The following DGKQ variants were observed in gnomAD, a reference collection of about 807,000 sequenced individuals.
The protein encoded by DGKQ is diacylglycerol kinase theta, also known as DAG kinase theta.
DGKQ carries 97 observed loss-of-function variants against 104.2 expected under a neutral mutation model. The observed-to-expected ratio is 0.93, with a 90% CI of 0.79 to 1.10. The LOEUF (loss-of-function observed/expected upper bound fraction) is 1.10. Ranked by LOEUF, DGKQ falls within the 50% of genes least tolerant of loss-of-function variation. The pLI, the probability that DGKQ is intolerant of heterozygous loss-of-function variation, is 0.00. For synonymous variants in DGKQ, 736 were observed against 595.2 expected, an observed-to-expected ratio of 1.24 and a Z score of -3.44; for missense variants, 1,465 against 1,352.1, an observed-to-expected ratio of 1.08 and a Z score of -1.31.
intron 2 of DGKQ, 67 bp from the exon 3 acceptor site, chr4:968,977 T>G (rs1712708980): frequency 1.9e-6 from 2 of 1,045,580 alleles, no homozygotes; most frequent in East Asian, 2.6e-5. Context: ...CCCTCCTCGC[T>G]CTTCACCTGC....
Position 959,095 on chromosome 4 carries a change from G to C in DGKQ, c.*1525C>G, listed in dbSNP as rs1711666236. On this transcript the variant is annotated 3_prime_UTR_variant, in exon 23 of 23. Transcript: ENST00000273814. The stretch of plus-strand genomic sequence containing the variant: ...CTCGCGAAGCAAAACTAATCACAAA[G>C]GACTGGTCTTGAAGATGACAATGAC... The C allele has an allele frequency of 6.5e-6, 1 of 152,858 alleles. No individual in the cohort carries two copies. The highest frequency in any genetic ancestry group is 2.1e-4 in the South Asian group (1 of 4,850). 9.5% of individuals were successfully genotyped at this position (152,858 alleles called of 1,614,324 possible). A position where few individuals can be genotyped will look rare whatever the true frequency, so the allele number is the denominator to read the frequency against.
chr4:967,505 C>T (rs542015545), intron 8 of DGKQ, 44 bp downstream of exon 8: 15 of 1,582,778 alleles, frequency 9.5e-6, no homozygotes, highest in South Asian at 6.7e-5. Context: ...CGGGGACATG[C>T]GGTCCTGGGA....
intron 22 of DGKQ, 98 bp from the exon 23 acceptor site, chr4:960,819 C>T (rs1711831710): frequency 6.6e-7 from 1 of 1,524,982 alleles, no homozygotes. Context: ...CAGCTGATGC[C>T]ATCTCAGCCC....
In DGKQ at chr4:971,026, G is replaced by C. The variant is rs1311644048; in HGVS notation, c.318C>G (p.Ile106Met). ...GGCTGGGTGCCACACTCGTGCACGGGATCCTCACGTGCTTCAGGCACTTCT... is the reference window on the plus strand; with the variant it reads ...GGCTGGGTGCCACACTCGTGCACGGCATCCTCACGTGCTTCAGGCACTTCT... ...SHEKCLKHVRIPCTSVAPSLV... is the reference protein window; with the variant it reads ...SHEKCLKHVRMPCTSVAPSLV... The change falls in exon 2 of 23, where the codon ATC becomes ATG. Residue 106 changes from isoleucine to methionine, a missense_variant. Ile to Met is a conservative substitution (Grantham distance 10). Transcript: ENST00000273814. This position sits in a 1 kb window ranked among gnomAD's most constrained non-coding sequence, Gnocchi z 4.0. 1.9e-6 allele frequency: 3 copies of C among 1,555,836 alleles called. No homozygotes were observed. Among genetic ancestry groups the C allele is most frequent in the East Asian group, 4.8e-5 (2 of 41,824 alleles).
At position 971,182 on chromosome 4, in the gene DGKQ, AG is replaced by A; in HGVS notation, c.272-111del. On this transcript the variant is annotated intron_variant, in intron 1 of 22. Coordinates refer to ENST00000273814, the MANE Select transcript of DGKQ (RefSeq NM_001347.4). The surrounding 1 kb of genome is among the most constrained non-coding windows in gnomAD (Gnocchi z 4.0). ...ACTGCCATACCCACCATGCTGCACC[AG>A]GGGCCCTGTGGTCCTCGAGTTCCCC... 2 of 776,696 alleles carry A rather than the reference AG, an allele frequency of 2.6e-6. No homozygotes were observed. The highest frequency in any genetic ancestry group is 2.1e-6 in the Non-Finnish European group (1 of 468,396). 48.1% of individuals were successfully genotyped at this position (776,696 alleles called of 1,614,324 possible).
chr4:969,147 G>A (rs560746607), intron 2 of DGKQ, among the ~76,000 whole-genome samples: 2 of 152,152 alleles, frequency 1.3e-5, no homozygotes, highest in South Asian at 2.1e-4. Flanking sequence ...CCTGCCTAGC[G>A]CAGGGGAGCG....
chr4:967,076 T>G (rs1712425969), intron 9 of DGKQ, 22 bp from the exon 10 acceptor site: 3 of 1,545,668 alleles, frequency 1.9e-6, no homozygotes, highest in Non-Finnish European at 2.6e-6. Context: ...CAGTCTGAGC[T>G]GGAGCTCCCC....
intron 18 of DGKQ, 44 bp from the exon 19 acceptor site, chr4:962,126 C>T (rs749416760): frequency 3.2e-6 from 5 of 1,543,076 alleles, no homozygotes; most frequent in Non-Finnish European, 4.4e-6. Flanking sequence ...CCGCCCTCAC[C>T]AGGCCCCCTG....
intron 1 of DGKQ, among the ~76,000 whole-genome samples, chr4:972,726 C>T (rs1713033048): frequency 6.6e-6 from 1 of 152,242 alleles, no homozygotes; most frequent in Non-Finnish European, 1.5e-5. Context: ...CAGGGAAGGG[C>T]TGTCCTCACC....
chr4:961,341 C>A, intron 21 of DGKQ, 126 bp downstream of exon 21: 1 of 1,254,590 alleles, frequency 8.0e-7, no homozygotes, highest in Non-Finnish European at 1.1e-6. Context: ...AGAGGCCAGC[C>A]GGGCTCAGCG....
intron 17 of DGKQ, 39 bp from the exon 18 acceptor site, chr4:962,652 A>C (rs767260793): frequency 1.3e-6 from 2 of 1,594,524 alleles, no homozygotes; most frequent in South Asian, 1.1e-5. Flanking sequence ...GTCCACACCC[A>C]CCCGCCCATC....
In DGKQ at chr4:966,516, T is replaced by A; in HGVS notation, c.1378A>T (p.Met460Leu). The A allele has an allele frequency of 6.2e-7, 1 of 1,612,418 alleles. No homozygotes were observed. Among genetic ancestry groups the A allele is most frequent in the Non-Finnish European group, 8.5e-7 (1 of 1,179,654 alleles). The change falls in exon 12 of 23, where the codon ATG (methionine) becomes TTG (leucine). Residue 460 changes from methionine (M) to leucine (L), a missense_variant. Physicochemically the swap from Met to Leu is conservative, Grantham distance 15. Coordinates refer to ENST00000273814, the MANE Select transcript of DGKQ (RefSeq NM_001347.4). ...AMGCRHVQRTMLMDEQPLLDR... is the reference protein window; with the variant it reads ...AMGCRHVQRTLLMDEQPLLDR... ...AGCAGGGGCTGTTCGTCCATCAGCA[T>A]CGTCCGCTGGACTGCAGAGGTGAGG...
intron 13 of DGKQ, 52 bp downstream of exon 13, chr4:965,876 C>T (rs953772966): frequency 1.3e-5 from 19 of 1,509,984 alleles, no homozygotes; most frequent in East Asian, 4.8e-5. Flanking sequence ...CACTGCCTGC[C>T]GCTCGACCCT....
Position 962,807 on chromosome 4 carries a change from G to C in DGKQ, c.2000C>G (p.Pro667Arg), listed in dbSNP as rs759728719. Residue 667 changes from proline to arginine, a missense_variant, in exon 17 of 23, where the codon CCG becomes CGG. By Grantham distance (103) the Pro-to-Arg change is moderately radical. Transcript: ENST00000273814. ...LEETRYRLAC[P>R]EPSVAILPLG... ...GGGCAGGATGGCCACAGAAGGCTCCGGGCAGGCCAGTCGGTACCGTGTCTC... is the reference window on the plus strand; with the variant it reads ...GGGCAGGATGGCCACAGAAGGCTCCCGGCAGGCCAGTCGGTACCGTGTCTC... 5 of 1,605,870 alleles carry C rather than the reference G, an allele frequency of 3.1e-6. No homozygotes were observed. Among genetic ancestry groups the C allele is most frequent in the Non-Finnish European group, 4.2e-6 (5 of 1,177,174 alleles).
At chr4:969,903 G>T (rs931320589) in intron 2 of DGKQ, among the ~76,000 whole-genome samples, 16 of 152,212 alleles carry the variant, frequency 1.1e-4, no homozygotes, top group African/African-American at 3.6e-4. Flanking sequence ...GAGCCACAGC[G>T]CCCGGCCGTT....
rs1577485027 is a variant in DGKQ, at chr4:968,279, CA to C, written c.663+2del. 7.5e-7 allele frequency: 1 copy of C among 1,340,410 alleles called. No individual in the cohort carries two copies. The highest frequency in any genetic ancestry group is 2.7e-5 in the Admixed American group (1 of 36,750). 83.0% of individuals were successfully genotyped at this position (1,340,410 alleles called of 1,614,324 possible). A position where few individuals can be genotyped will look rare whatever the true frequency, so the allele number is the denominator to read the frequency against. On this transcript the variant is annotated splice_donor_variant, in intron 5 of 22. Coordinates refer to ENST00000273814, the MANE Select transcript of DGKQ (RefSeq NM_001347.4). LOFTEE classifies it high-confidence loss of function. ...CCCACCCCCTCGACTTCCCAGCGCCCACCTGGACCCCGCACCACTCGCAGCG... is the reference window on the plus strand; with the variant it reads ...CCCACCCCCTCGACTTCCCAGCGCCCCCTGGACCCCGCACCACTCGCAGCG...
rs569453893 is a variant in DGKQ, at chr4:961,634, G to A, written c.2462+54C>T. 56 of 1,610,698 alleles carry A rather than the reference G, an allele frequency of 3.5e-5. No homozygotes were observed. In the African/African-American group the frequency reaches 6.1e-4, roughly 18 times the overall value. ...TAGGTGCAGGCAGGACGAGGGCTGA[G>A]CCTGCCCATGGCCCCGCCGGGCAGA... On this transcript the variant is annotated intron_variant, in intron 20 of 22. Transcript: ENST00000273814.
intron 4 of DGKQ, 35 bp from the exon 5 acceptor site, chr4:968,442 C>T: frequency 6.3e-7 from 1 of 1,591,546 alleles, no homozygotes; most frequent in Non-Finnish European, 8.5e-7. Flanking sequence ...CTGGGCCCGC[C>T]CCACCCCCCA....
Position 968,008 on chromosome 4 carries a change from G to A in DGKQ, c.683C>T (p.Ala228Val), listed in dbSNP as rs534332507. 1.6e-4 allele frequency: 231 copies of A among 1,451,088 alleles called. No homozygotes were observed. Among genetic ancestry groups the A allele is most frequent in the African/African-American group, 1.5e-3 (101 of 67,886 alleles). 89.9% of individuals were successfully genotyped at this position (1,451,088 alleles called of 1,614,324 possible). The change falls in exon 6 of 23, where the codon GCG becomes GTG. Residue 228 changes from alanine to valine, a missense_variant. Ala to Val is a moderately conservative substitution (Grantham distance 64). Coordinates refer to ENST00000273814, the MANE Select transcript of DGKQ (RefSeq NM_001347.4). ...CGVQAHSLCS[A>V]ALAPECGFGR... ...GAAGCCACACTCGGGAGCCAGCGCC[G>A]CGGAGCAGAGGGAGTGCGCCTGGGG...
Sources: allele counts gnomAD v4.1 joint callset (sites outside exome capture counted in the v4.1 genomes callset), GRCh38; gene constraint gnomAD v4.1.1; non-coding constraint Gnocchi (gnomAD v3.1); transcripts MANE v1.5; gene names NCBI Gene and HGNC (gene_info 2026-07-23, HGNC 2026-07-21).